Variants in ZNF385B observed in about 807,000 individuals in gnomAD.
The protein encoded by ZNF385B is zinc finger protein 385B, also known as zinc finger protein 533.
Under a neutral mutation model 39.2 loss-of-function variants are expected in ZNF385B, and 23 were observed. That is an observed-to-expected ratio of 0.59 (90% confidence interval 0.42 to 0.83). The LOEUF (loss-of-function observed/expected upper bound fraction) is 0.83, where lower values mean the gene tolerates loss of function less well. Among genes scored for constraint, ZNF385B ranks in the 40% least tolerant of loss-of-function variants. The pLI is 0.00. For missense variants in ZNF385B, 552 were observed against 598.9 expected, an observed-to-expected ratio of 0.92 and a Z score of 0.82; for synonymous variants, 205 against 222.6, an observed-to-expected ratio of 0.92 and a Z score of 0.70.
chr2:179,782,895 T>A (rs185167209), intron 1 of ZNF385B, among the ~76,000 whole-genome samples: 2 of 152,218 alleles, frequency 1.3e-5, no homozygotes, highest in African/African-American at 4.8e-5. Flanking sequence ...ATCATTCAAA[T>A]GGCTATACTG....
chr2:179,579,463 A>G (rs1256116368), intron 3 of ZNF385B, among the ~76,000 whole-genome samples: 1 of 152,108 alleles, frequency 6.6e-6, no homozygotes, highest in African/African-American at 2.4e-5. Context: ...CTTAAAGTAT[A>G]ACTGACAGCT....
chr2:179,802,726 A>G (rs1049747908), intron 1 of ZNF385B: 1 of 152,010 alleles, frequency 6.6e-6, no homozygotes, highest in South Asian at 2.1e-4. Context: ...TGATTCAAAC[A>G]GGCATGCTTA....
At chr2:179,820,217 A>G (rs1044894435) in intron 1 of ZNF385B, among the ~76,000 whole-genome samples, 4 of 152,090 alleles carry the variant, frequency 2.6e-5, no homozygotes, top group African/African-American at 9.7e-5. Flanking sequence ...CCAGTTTACT[A>G]TGTACCTTTG....
intron 3 of ZNF385B, among the ~76,000 whole-genome samples, chr2:179,731,759 C>A (rs1371980722): frequency 1.3e-5 from 2 of 152,194 alleles, no homozygotes; most frequent in African/African-American, 4.8e-5. Context: ...GGCACTCCCA[C>A]GTGGGCATCA....
chr2:179,858,560 A>T (rs569255714), intron 1 of ZNF385B, among the ~76,000 whole-genome samples: 4 of 152,196 alleles, frequency 2.6e-5, no homozygotes, highest in Non-Finnish European at 4.4e-5. Flanking sequence ...ATCCCCAAAA[A>T]TTTTTTTAAA....
chr2:179,810,168 A>G (rs973400967), intron 1 of ZNF385B, among the ~76,000 whole-genome samples: 1 of 151,898 alleles, frequency 6.6e-6, no homozygotes, highest in Non-Finnish European at 1.5e-5. Flanking sequence ...CTATATATCA[A>G]ATAAATTCCA....
intron 6 of ZNF385B, among the ~76,000 whole-genome samples, chr2:179,455,735 A>G (rs1010952785): frequency 1.3e-5 from 1 of 74,182 alleles, no homozygotes; most frequent in Non-Finnish European, 3.0e-5. Flanking sequence ...CAAAAATACA[A>G]AAAAAAATTA....
At chr2:179,651,735 T>C (rs1259597526) in intron 3 of ZNF385B, among the ~76,000 whole-genome samples, 1 of 152,154 alleles carries the variant, frequency 6.6e-6, no homozygotes, top group Non-Finnish European at 1.5e-5. Context: ...ATCTGAATGT[T>C]GCCTTGCAGA....
chr2:179,595,615 C>T (rs1434551373), intron 3 of ZNF385B, among the ~76,000 whole-genome samples: 1 of 150,952 alleles, frequency 6.6e-6, no homozygotes, highest in East Asian at 2.0e-4. Flanking sequence ...TTCAGCCATC[C>T]CAGATATTCT....
intron 3 of ZNF385B, among the ~76,000 whole-genome samples, chr2:179,564,075 C>T (rs756541357): frequency 6.6e-6 from 1 of 152,134 alleles, no homozygotes; most frequent in Non-Finnish European, 1.5e-5. Flanking sequence ...CTCAGACCAG[C>T]AGCATCAGCA....
At chr2:179,856,736 G>A (rs1684637878) in intron 1 of ZNF385B, among the ~76,000 whole-genome samples, 1 of 151,914 alleles carries the variant, frequency 6.6e-6, no homozygotes, top group Admixed American at 6.6e-5. Context: ...AACGCAACTG[G>A]CCAGAGAAAA....
rs543685899 is a variant in ZNF385B, at chr2:179,527,859, A to G, written c.442-9221T>C. ...TGGAGAATAGGCTTTCAAATATCCA[A>G]CATTCTAGTTGGGAAGACCCAGACC... On this transcript the variant is annotated intron_variant, in intron 4 of 9. Coordinates refer to ENST00000410066, the MANE Select transcript of ZNF385B (RefSeq NM_152520.6). Among the ~76,000 whole-genome samples the G allele has an allele frequency of 1.2e-3, 190 of 152,296 alleles. 1 individual carries two copies. Among genetic ancestry groups the G allele is most frequent in the African/African-American group, 4.3e-3 (180 of 41,574 alleles).
chr2:179,699,233 AT>A (rs1175745980), intron 3 of ZNF385B, among the ~76,000 whole-genome samples: 1 of 152,038 alleles, frequency 6.6e-6, no homozygotes, highest in Non-Finnish European at 1.5e-5. Flanking sequence ...GAACTTTTTC[AT>A]TTTCTCAAAC....
chr2:179,544,170 C>A (rs2060088586), intron 4 of ZNF385B, among the ~76,000 whole-genome samples: 1 of 152,158 alleles, frequency 6.6e-6, no homozygotes, highest in Non-Finnish European at 1.5e-5. Flanking sequence ...GACACACCTA[C>A]AAATGTTTTT....
intron 5 of ZNF385B, among the ~76,000 whole-genome samples, chr2:179,494,003 T>TTA (rs997901331): frequency 5.3e-5 from 8 of 151,022 alleles, no homozygotes; most frequent in African/African-American, 1.2e-4. Flanking sequence ...TTATAAATTT[T>TTA]TATATATATA....
At chr2:179,610,474 G>T (rs980179352) in intron 3 of ZNF385B, among the ~76,000 whole-genome samples, 1 of 152,070 alleles carries the variant, frequency 6.6e-6, no homozygotes, top group Non-Finnish European at 1.5e-5. Flanking sequence ...AATATAATTT[G>T]AAGTTAGATA....
chr2:179,721,844 G>T (rs1368649470), intron 3 of ZNF385B, among the ~76,000 whole-genome samples: 2 of 151,946 alleles, frequency 1.3e-5, no homozygotes, highest in African/African-American at 2.4e-5. Context: ...AGTTGCTAAA[G>T]GTTGTGGCCA....
chr2:179,581,454 CAT>C (rs566383565), intron 3 of ZNF385B, among the ~76,000 whole-genome samples: 148 of 152,246 alleles, frequency 9.7e-4, no homozygotes, highest in Middle Eastern at 3.4e-3. Flanking sequence ...CAAATGCAAA[CAT>C]AGTTTCCTAG....
intron 1 of ZNF385B, among the ~76,000 whole-genome samples, chr2:179,843,279 C>T (rs1309557777): frequency 1.3e-5 from 2 of 152,144 alleles, no homozygotes; most frequent in Non-Finnish European, 2.9e-5. Context: ...AACTAGCTAC[C>T]TATGTGGAAA....
Sources: allele counts gnomAD v4.1 joint callset (sites outside exome capture counted in the v4.1 genomes callset), GRCh38; gene constraint gnomAD v4.1.1; transcripts MANE v1.5; gene names NCBI Gene and HGNC (gene_info 2026-07-23, HGNC 2026-07-21).